ARRB1: variants seen among roughly 807,000 people sequenced by gnomAD.
The protein encoded by ARRB1 is beta-arrestin-1.
In ARRB1, 21 loss-of-function variants were observed where a neutral mutation model predicts 56.8. The ratio of observed to expected loss-of-function variants is 0.37; its 90% confidence interval spans 0.26 to 0.53. The LOEUF is 0.53. ARRB1 is among the 20% of genes least tolerant of loss of function. The probability of loss-of-function intolerance (pLI) is 0.88; values close to 1 mark genes in which losing one functional copy is unlikely to be tolerated. For synonymous variants in ARRB1, 210 were observed against 218.6 expected (o/e 0.96, Z 0.35); for missense variants, 424 against 553.7 (o/e 0.77, Z 2.35).
intron 1 of ARRB1, among the ~76,000 whole-genome samples, chr11:75,329,933 G>A (rs1049355111): frequency 1.3e-5 from 2 of 151,972 alleles, no homozygotes; most frequent in Admixed American, 6.6e-5. Flanking sequence ...CCAGGAGTTC[G>A]AGGCTGCAGT....
chr11:75,262,152 T>C lies in ARRB1; in HGVS notation c.*4011A>G, dbSNP rs1945806565. 1 of 152,228 alleles carries C rather than the reference T, an allele frequency of 6.6e-6. No homozygotes were observed. The highest frequency in any genetic ancestry group is 1.5e-5 in the Non-Finnish European group (1 of 68,050). 9.4% of individuals were successfully genotyped at this position (152,228 alleles called of 1,614,324 possible). A position where few individuals can be genotyped will look rare whatever the true frequency, so the allele number is the denominator to read the frequency against. ...ACTTTGAAGGGAAGGAACAGACAAT[T>C]TCTATTTCTCCTTGCCCTTAGATTT... On this transcript the variant is annotated 3_prime_UTR_variant, in exon 16 of 16. Transcript: ENST00000420843.
chr11:75,265,760 G>A lies in ARRB1; in HGVS notation c.*403C>T, dbSNP rs1346757779. 4 of 220,622 alleles carry A rather than the reference G, an allele frequency of 1.8e-5. No individual in the cohort carries two copies. Among genetic ancestry groups the A allele is most frequent in the African/African-American group, 4.6e-5 (2 of 43,538 alleles). The allele number at this position is 220,622 out of a possible 1,614,324, so 13.7% of individuals were successfully genotyped here. A position where few individuals can be genotyped will look rare whatever the true frequency, so the allele number is the denominator to read the frequency against. On this transcript the variant is annotated 3_prime_UTR_variant, in exon 16 of 16. Transcript: ENST00000420843. ...AGAACTTTGTTAACCACCTGGGACC[G>A]TGGACATCTTCTCTCGTGTCTTGAG...
chr11:75,298,844 A>T (rs1346022286), intron 1 of ARRB1, among the ~76,000 whole-genome samples: 2 of 152,176 alleles, frequency 1.3e-5, no homozygotes, highest in Non-Finnish European at 2.9e-5. Context: ...GGAATAGTAC[A>T]TAGGCATAAA....
At chr11:75,284,446 G>A (rs992583425) in intron 3 of ARRB1, 167 bp from the exon 4 acceptor site, 11 of 552,898 alleles carry the variant, frequency 2.0e-5, no homozygotes, top group African/African-American at 1.7e-4. Flanking sequence ...CCTCCACCAC[G>A]CTCCACCCTT....
intron 1 of ARRB1, among the ~76,000 whole-genome samples, chr11:75,299,880 A>C (rs1450124333): frequency 6.6e-6 from 1 of 152,188 alleles, no homozygotes; most frequent in Non-Finnish European, 1.5e-5. Flanking sequence ...CCCTAAGAGA[A>C]TTATTCAAGT....
At chr11:75,295,221 CAAAAAAAAAAAAA>C (rs34666904) in intron 1 of ARRB1, among the ~76,000 whole-genome samples, 1 of 73,076 alleles carries the variant, frequency 1.4e-5, no homozygotes, top group Non-Finnish European at 2.5e-5. Flanking sequence ...AACCCTGTCT[CAAAAAAAAAAAAA>C]AAAAAAAAAA....
At chr11:75,319,185 T>A (rs954228303) in intron 1 of ARRB1, among the ~76,000 whole-genome samples, 3 of 152,106 alleles carry the variant, frequency 2.0e-5, no homozygotes, top group Non-Finnish European at 2.9e-5. Flanking sequence ...CCCCATAACC[T>A]GCTCGCCCAG....
At chr11:75,286,255 CTTTTTTTTTTTTT>C (rs60988072) in intron 3 of ARRB1, among the ~76,000 whole-genome samples, 67 of 38,746 alleles carry the variant, frequency 1.7e-3, no homozygotes, top group South Asian at 6.5e-3. Context: ...ATTTGCTCAT[CTTTTTTTTTTTTT>C]TTTTTTTTTT....
At chr11:75,282,122 C>A in intron 5 of ARRB1, 101 bp from the exon 6 acceptor site, 1 of 1,254,478 alleles carries the variant, frequency 8.0e-7, no homozygotes, top group Non-Finnish European at 1.1e-6. Flanking sequence ...AGACCAAGGG[C>A]CCCAGGGGAC....
intron 10 of ARRB1, among the ~76,000 whole-genome samples, chr11:75,276,196 A>T (rs921880588): frequency 5.1e-4 from 55 of 108,124 alleles, no homozygotes; most frequent in African/African-American, 1.7e-3. Context: ...TGCCCCAAGA[A>T]ATTACTTGCA....
chr11:75,308,226 G>C (rs1057042841), intron 1 of ARRB1, among the ~76,000 whole-genome samples: 2 of 152,174 alleles, frequency 1.3e-5, no homozygotes, highest in African/African-American at 2.4e-5. Flanking sequence ...TATGAGCTCA[G>C]TCTCACCAGA....
At chr11:75,344,283 C>G (rs1947734882) in intron 1 of ARRB1, among the ~76,000 whole-genome samples, 1 of 152,220 alleles carries the variant, frequency 6.6e-6, no homozygotes, top group African/African-American at 2.4e-5. Flanking sequence ...CTCAGTCCCA[C>G]TGGCCTGTAG....
intron 1 of ARRB1, among the ~76,000 whole-genome samples, chr11:75,326,147 G>A (rs1296657373): frequency 6.6e-6 from 1 of 152,204 alleles, no homozygotes; most frequent in Non-Finnish European, 1.5e-5. Flanking sequence ...CTCTGGAGAA[G>A]CAGGAGGTGA....
rs1471440772 is a variant in ARRB1, at chr11:75,261,040, T to C, written c.*5123A>G. ...GTCCTCAGTGGGGGATTGAGCCTGT[T>C]TCCTTGCTCCAGAGCTCCCCATGCT... On this transcript the variant is annotated 3_prime_UTR_variant, in exon 16 of 16. Coordinates refer to ENST00000420843, the MANE Select transcript of ARRB1 (RefSeq NM_004041.5). 3 of 152,288 alleles carry C rather than the reference T, an allele frequency of 2.0e-5. No individual in the cohort carries two copies. Among genetic ancestry groups the C allele is most frequent in the Non-Finnish European group, 4.4e-5 (3 of 68,108 alleles). 9.4% of individuals were successfully genotyped at this position (152,288 alleles called of 1,614,324 possible).
chr11:75,309,216 G>A (rs1947105627), intron 1 of ARRB1, among the ~76,000 whole-genome samples: 1 of 152,238 alleles, frequency 6.6e-6, no homozygotes, highest in African/African-American at 2.4e-5. Flanking sequence ...TGGTGGGCCT[G>A]ACCCCACATT....
intron 1 of ARRB1, among the ~76,000 whole-genome samples, chr11:75,340,514 G>C (rs1591991236): frequency 6.6e-6 from 1 of 152,366 alleles, no homozygotes; most frequent in East Asian, 1.9e-4. Context: ...TGGAGTCAGA[G>C]TCCCTGGCAT....
intron 2 of ARRB1, 141 bp from the exon 3 acceptor site, chr11:75,287,516 C>T (rs1946509509): frequency 1.3e-6 from 1 of 758,584 alleles, no homozygotes; most frequent in Admixed American, 2.9e-5. Context: ...TGGACTTGGG[C>T]CTTCACCCCA....
At chr11:75,341,967 C>A (rs1424166490) in intron 1 of ARRB1, among the ~76,000 whole-genome samples, 1 of 152,190 alleles carries the variant, frequency 6.6e-6, no homozygotes, top group Admixed American at 6.5e-5. Flanking sequence ...CTGCTGCTCA[C>A]GCCCTCTCCC....
intron 1 of ARRB1, among the ~76,000 whole-genome samples, chr11:75,336,550 C>T (rs1382860341): frequency 1.3e-5 from 2 of 152,138 alleles, no homozygotes; most frequent in Middle Eastern, 3.2e-3. Flanking sequence ...TGAGAAGATA[C>T]TGTAGGGTGA....
Sources: gnomAD v4.1 joint callset for allele counts (sites outside exome capture counted in the v4.1 genomes callset) on GRCh38, gnomAD v4.1.1 for gene constraint, MANE v1.5 for transcripts, NCBI Gene and HGNC (gene_info 2026-07-23, HGNC 2026-07-21) for gene names.